ZMYM2: variants seen among roughly 807,000 people sequenced by gnomAD.
ZMYM2 encodes the protein zinc finger MYM-type protein 2.
ZMYM2 carries 56 observed loss-of-function variants against 162.8 expected under a neutral mutation model. The ratio of observed to expected loss-of-function variants is 0.34; its 90% CI spans 0.28 to 0.43. The LOEUF is 0.43. Among genes scored for constraint, ZMYM2 ranks in the 20% least tolerant of loss-of-function variants. The pLI is 1.00. For synonymous variants in ZMYM2, 510 were observed against 541.6 expected (o/e 0.94, Z 0.81); for missense variants, 1,275 against 1,621.8 (o/e 0.79, Z 3.67).
intron 21 of ZMYM2, among the ~76,000 whole-genome samples, chr13:20,074,233 TGTGTGA>T (rs927617200): frequency 9.1e-5 from 13 of 143,006 alleles, no homozygotes; most frequent in South Asian, 2.2e-4. Context: ...TGTGTGTGTG[TGTGTGA>T]GAGAGACAGA....
At position 19,971,181 on chromosome 13, in the gene ZMYM2, C is replaced by T. The variant is rs375610380; in HGVS notation, c.-11+11155C>T. Among the ~76,000 whole-genome samples, 27 of 147,162 alleles carry T rather than the reference C, an allele frequency of 1.8e-4. No individual in the cohort carries two copies. In the East Asian group the frequency reaches 3.9e-3, roughly 21 times the overall value. The stretch of plus-strand genomic sequence containing the variant: ...TTCTCCTAAGTATACTGAAAAGCCA[C>T]GTAAGAAGTGAATGTTGTAGTCTGA... On this transcript the variant is annotated intron_variant, in intron 2 of 24. Coordinates refer to ENST00000610343, the MANE Select transcript of ZMYM2 (RefSeq NM_197968.4).
chr13:19,943,716 T>C, the ZMYM2 span, among the ~76,000 whole-genome samples: 1 of 152,190 alleles, frequency 6.6e-6, no homozygotes, highest in Non-Finnish European at 1.5e-5. Flanking sequence ...TAGGTACGTG[T>C]ACAACTGAAT....
the ZMYM2 span, among the ~76,000 whole-genome samples, chr13:19,941,720 C>CTTTTT: frequency 4.8e-4 from 30 of 62,954 alleles, 2 homozygotes; most frequent in South Asian, 7.4e-4. Flanking sequence ...TGGCTTTCTG[C>CTTTTT]TTTTTTTTTT....
At chr13:19,942,093 C>T in the ZMYM2 span, among the ~76,000 whole-genome samples, 2 of 152,112 alleles carry the variant, frequency 1.3e-5, no homozygotes, top group South Asian at 4.2e-4. Flanking sequence ...TATAATTCTA[C>T]TTTTCATAAT....
chr13:19,902,663 A>G, the ZMYM2 span, among the ~76,000 whole-genome samples: 1 of 152,118 alleles, frequency 6.6e-6, no homozygotes, highest in Non-Finnish European at 1.5e-5. Flanking sequence ...ACACTACTGA[A>G]TTATACACTT....
intron 3 of ZMYM2, among the ~76,000 whole-genome samples, chr13:19,999,293 T>G (rs1310508090): frequency 2.0e-5 from 3 of 152,212 alleles, no homozygotes; most frequent in Non-Finnish European, 2.9e-5. Context: ...CGAGTAAGTC[T>G]TTTGGCGCCA....
intron 12 of ZMYM2, among the ~76,000 whole-genome samples, chr13:20,047,981 G>A (rs1954974454): frequency 6.6e-6 from 1 of 151,990 alleles, no homozygotes; most frequent in Non-Finnish European, 1.5e-5. Context: ...TTAAGAAAAA[G>A]AATTTAGTAT....
At chr13:19,870,261 T>G in the ZMYM2 span, among the ~76,000 whole-genome samples, 1 of 152,100 alleles carries the variant, frequency 6.6e-6, no homozygotes, top group Non-Finnish European at 1.5e-5. Flanking sequence ...GCTCCAGCAA[T>G]CCTCTTGCCT....
chr13:19,999,214 T>G lies in ZMYM2; in HGVS notation c.848-3636T>G, dbSNP rs1021412533. ...AGTACAGGCATACCTCATTTTATAG[T>G]ACTTTGTTTATTGCACTTCACAGAT... On this transcript the variant is annotated intron_variant, in intron 3 of 24. Coordinates refer to ENST00000610343, the MANE Select transcript of ZMYM2 (RefSeq NM_197968.4). 2.0e-5 allele frequency among the ~76,000 whole-genome samples: 3 copies of G among 152,350 alleles called. 1 individual carries two copies. In the East Asian group the frequency reaches 5.8e-4, roughly 29 times the overall value.
rs1385873139 is a variant in ZMYM2, at chr13:19,958,842, G to C, written c.-80+1G>C. On this transcript the variant is annotated splice_donor_variant, in intron 1 of 24. Coordinates refer to ENST00000610343, the MANE Select transcript of ZMYM2 (RefSeq NM_197968.4). LOFTEE classifies it low-confidence loss of function (5UTR_SPLICE). ...TCCGCGGAGCCCCAGCCAGAACCGG[G>C]TGAGGCTTATCCCCGCTGTCTTTCC... 6.5e-6 allele frequency: 1 copy of C among 152,986 alleles called. No individual in the cohort carries two copies. Among genetic ancestry groups the C allele is most frequent in the Non-Finnish European group, 1.5e-5 (1 of 68,666 alleles). 9.5% of individuals were successfully genotyped at this position (152,986 alleles called of 1,614,324 possible). A position where few individuals can be genotyped will look rare whatever the true frequency, so the allele number is the denominator to read the frequency against.
chr13:20,054,156 AC>A (rs1955599937), intron 14 of ZMYM2, among the ~76,000 whole-genome samples: 1 of 152,166 alleles, frequency 6.6e-6, no homozygotes, highest in South Asian at 2.1e-4. Context: ...CTAATTCTCC[AC>A]CCATAAACTT....
chr13:19,942,951 A>G, the ZMYM2 span, among the ~76,000 whole-genome samples: 1 of 152,170 alleles, frequency 6.6e-6, no homozygotes, highest in Non-Finnish European at 1.5e-5. Context: ...TTAGGTTCGT[A>G]GGGCTGCCAT....
At chr13:19,964,562 G>C (rs1202582495) in intron 2 of ZMYM2, among the ~76,000 whole-genome samples, 1 of 152,154 alleles carries the variant, frequency 6.6e-6, no homozygotes, top group Non-Finnish European at 1.5e-5. Context: ...ACCATGCCCA[G>C]CCAGTAGGTT....
the ZMYM2 span, among the ~76,000 whole-genome samples, chr13:19,868,012 GC>G: frequency 3.9e-5 from 6 of 152,222 alleles, no homozygotes; most frequent in African/African-American, 1.4e-4. Context: ...ACCATTTGGA[GC>G]TTGCCAGCTC....
intron 6 of ZMYM2, among the ~76,000 whole-genome samples, chr13:20,014,808 C>T (rs1447955512): frequency 6.9e-5 from 10 of 145,940 alleles, no homozygotes. Flanking sequence ...CTCTATTGCC[C>T]AGGCTGGAAC....
intron 6 of ZMYM2, among the ~76,000 whole-genome samples, chr13:20,014,984 C>T (rs931312827): frequency 1.3e-5 from 2 of 152,088 alleles, no homozygotes; most frequent in Non-Finnish European, 2.9e-5. Context: ...TGGTCTTGAA[C>T]TCCTGACCTC....
the ZMYM2 span, among the ~76,000 whole-genome samples, chr13:19,944,343 G>T: frequency 6.6e-6 from 1 of 152,080 alleles, no homozygotes; most frequent in Admixed American, 6.6e-5. Context: ...ACGACTGAGG[G>T]TCACTGTAAT....
chr13:19,880,189 G>T, the ZMYM2 span, among the ~76,000 whole-genome samples: 1 of 152,146 alleles, frequency 6.6e-6, no homozygotes, highest in African/African-American at 2.4e-5. Context: ...CCATAAGCAG[G>T]TGAGCTAATT....
At chr13:19,871,461 G>A in the ZMYM2 span, among the ~76,000 whole-genome samples, 104,420 of 151,530 alleles carry the variant, frequency 0.69, 38,656 homozygotes, top group East Asian at 0.89. Context: ...ATGCTCTATC[G>A]CCCAGGCTGG....
Sources: allele counts gnomAD v4.1 joint callset (sites outside exome capture counted in the v4.1 genomes callset), GRCh38; gene constraint gnomAD v4.1.1; transcripts MANE v1.5; gene names NCBI Gene and HGNC (gene_info 2026-07-23, HGNC 2026-07-21).